Variants in DSCAML1 observed in about 807,000 individuals in gnomAD.
DSCAML1 encodes the protein cell adhesion molecule DSCAML1.
DSCAML1 carries 38 observed loss-of-function variants against 200.5 expected under a neutral mutation model. That is an observed-to-expected ratio of 0.19 (90% confidence interval 0.15 to 0.25). DSCAML1 has a LOEUF of 0.25. DSCAML1 is among the 10% of genes least tolerant of loss of function. DSCAML1 has a pLI of 1.00. For synonymous variants in DSCAML1, 1,215 were observed against 1,165.0 expected (o/e 1.04, Z -0.87); for missense variants, 2,223 against 2,858.8 (o/e 0.78, Z 5.07).
At chr11:117,507,876 C>T (rs532961252) in intron 8 of DSCAML1, among the ~76,000 whole-genome samples, 33 of 152,304 alleles carry the variant, frequency 2.2e-4, no homozygotes, top group Non-Finnish European at 3.7e-4. Context: ...TGGGTTGGGA[C>T]TCTGCCCCCA....
chr11:117,755,654 G>A (rs1259619930), intron 3 of DSCAML1, among the ~76,000 whole-genome samples: 4 of 152,172 alleles, frequency 2.6e-5, no homozygotes, highest in Non-Finnish European at 5.9e-5. Flanking sequence ...CCATTTTAAA[G>A]GATTCTTGGT....
chr11:117,796,900 G>T, intron 1 of DSCAML1, 134 bp downstream of exon 1: 1 of 546,434 alleles, frequency 1.8e-6, no homozygotes, highest in Non-Finnish European at 2.8e-6. Context: ...CCTCCCCGCT[G>T]CGCCCCACCC....
At chr11:117,532,741 C>T (rs983061670) in intron 3 of DSCAML1, among the ~76,000 whole-genome samples, 1 of 152,130 alleles carries the variant, frequency 6.6e-6, no homozygotes, top group African/African-American at 2.4e-5. Flanking sequence ...GGCTTTTCTA[C>T]TTATGGGCTG....
intron 4 of DSCAML1, among the ~76,000 whole-genome samples, chr11:117,528,528 G>C (rs939174847): frequency 2.0e-5 from 3 of 152,342 alleles, no homozygotes; most frequent in Admixed American, 6.5e-5. Flanking sequence ...ACTGGAGCTA[G>C]GCTAGGCTGG....
intron 1 of DSCAML1, among the ~76,000 whole-genome samples, chr11:117,804,492 A>C (rs73586832): frequency 0.015 from 2,313 of 152,364 alleles, 54 homozygotes; most frequent in East Asian, 0.093. Flanking sequence ...CAATCTGGAC[A>C]AAATGACAGC....
At position 117,435,682 on chromosome 11, in the gene DSCAML1, C is replaced by T. The variant is rs555398879; in HGVS notation, c.4838G>A (p.Arg1613His). Residue 1613 changes from arginine (R) to histidine (H), a missense_variant, in exon 27 of 33, where the codon CGC (arginine) becomes CAC (histidine). This residue lies in a region of DSCAML1 where 614 missense variants were observed against 739.1 expected (regional missense o/e 0.83). Coordinates refer to ENST00000651296, the MANE Select transcript of DSCAML1 (RefSeq NM_020693.4). The part of the protein sequence containing the change: ...TLGVALLFIV[R>H]KKRKEKRLKR... ...CAGCCGTTTCTCCTTCCTCTTCTTG[C>T]GTACGATGAAGAGCAGTGCCACCCC... The T allele has an allele frequency of 2.9e-5, 46 of 1,607,956 alleles. No individual in the cohort carries two copies. The highest frequency in any genetic ancestry group is 1.7e-4 in the Middle Eastern group (1 of 6,040).
At chr11:117,631,276 G>A (rs1258374189) in intron 3 of DSCAML1, among the ~76,000 whole-genome samples, 2 of 152,314 alleles carry the variant, frequency 1.3e-5, no homozygotes, top group South Asian at 2.1e-4. Flanking sequence ...CAGCAGATAC[G>A]ATGAGAGTTT....
At chr11:117,809,911 A>G (rs1342279210) in intron 1 of DSCAML1, among the ~76,000 whole-genome samples, 1 of 145,572 alleles carries the variant, frequency 6.9e-6, no homozygotes, top group Non-Finnish European at 1.5e-5. Flanking sequence ...ACTCACACAC[A>G]CATTCACACA....
At chr11:117,681,596 T>C (rs368525972) in intron 3 of DSCAML1, among the ~76,000 whole-genome samples, 3 of 152,356 alleles carry the variant, frequency 2.0e-5, no homozygotes, top group Admixed American at 6.5e-5. Context: ...ATTTTTAATT[T>C]GCAGAGTAGA....
At chr11:117,446,634 A>G (rs2048182774) in intron 20 of DSCAML1, among the ~76,000 whole-genome samples, 2 of 152,256 alleles carry the variant, frequency 1.3e-5, no homozygotes, top group African/African-American at 4.8e-5. Flanking sequence ...AGGCACATTT[A>G]TAAAAAATCC....
intron 3 of DSCAML1, among the ~76,000 whole-genome samples, chr11:117,535,178 G>A (rs2050143288): frequency 6.6e-6 from 1 of 152,206 alleles, no homozygotes; most frequent in Non-Finnish European, 1.5e-5. Context: ...TGGGGATGGT[G>A]TGGGAGGAGG....
intron 3 of DSCAML1, among the ~76,000 whole-genome samples, chr11:117,664,849 C>G (rs1428946584): frequency 6.6e-6 from 1 of 152,220 alleles, no homozygotes; most frequent in Non-Finnish European, 1.5e-5. Context: ...CTCCTCCTGG[C>G]TTTGCCTTAG....
intron 4 of DSCAML1, among the ~76,000 whole-genome samples, chr11:117,528,966 T>G (rs912288198): frequency 8.7e-6 from 1 of 114,748 alleles, no homozygotes; most frequent in African/African-American, 3.3e-5. Flanking sequence ...GGAATAACAA[T>G]GTAGCAACAG....
upstream of DSCAML1, chr11:117,797,405 C>T (rs957526620): frequency 3.1e-6 from 2 of 643,836 alleles, no homozygotes; most frequent in Non-Finnish European, 4.6e-6. Context: ...CGCCCCGACC[C>T]GGCTCCGCTG....
intron 3 of DSCAML1, chr11:117,709,600 T>C (rs1327756216): frequency 6.3e-5 from 27 of 426,948 alleles, no homozygotes; most frequent in Middle Eastern, 5.3e-4. Context: ...TAAATGGCTA[T>C]TTATTTCCCC....
At chr11:117,756,746 T>C (rs2137881360) in intron 3 of DSCAML1, among the ~76,000 whole-genome samples, 1 of 151,308 alleles carries the variant, frequency 6.6e-6, no homozygotes, top group East Asian at 2.0e-4. Flanking sequence ...TTCCAGATGG[T>C]GCTGGTGGAA....
intron 3 of DSCAML1, among the ~76,000 whole-genome samples, chr11:117,772,055 C>T (rs951000348): frequency 6.6e-6 from 1 of 152,074 alleles, no homozygotes; most frequent in African/African-American, 2.4e-5. Context: ...ACTGTCTGCC[C>T]GGCAGGCCTA....
chr11:117,763,416 G>A (rs143717988), intron 3 of DSCAML1, among the ~76,000 whole-genome samples: 6 of 151,628 alleles, frequency 4.0e-5, no homozygotes, highest in Non-Finnish European at 7.4e-5. Flanking sequence ...AACGGGAGAC[G>A]TGGACTCCAG....
At chr11:117,606,471 A>C (rs1017129459) in intron 3 of DSCAML1, among the ~76,000 whole-genome samples, 3 of 152,154 alleles carry the variant, frequency 2.0e-5, no homozygotes, top group African/African-American at 7.2e-5. Context: ...TTTCACTTTC[A>C]CCCACTGATT....
Sources: gnomAD v4.1 joint callset for allele counts (sites outside exome capture counted in the v4.1 genomes callset) on GRCh38, gnomAD v4.1.1 for gene constraint, gnomAD v4.1.1 regional missense constraint, MANE v1.5 for transcripts, NCBI Gene and HGNC (gene_info 2026-07-23, HGNC 2026-07-21) for gene names.